MGRN1: variants seen among roughly 807,000 people sequenced by gnomAD.
MGRN1 encodes mahogunin ring finger 1.
MGRN1 carries 29 observed loss-of-function variants against 69.2 expected under a neutral mutation model. The observed-to-expected ratio is 0.42, with a 90% CI of 0.31 to 0.57. MGRN1 has a LOEUF of 0.57. Among genes scored for constraint, MGRN1 ranks in the 20% least tolerant of loss-of-function variants. MGRN1 has a pLI of 0.15. For missense variants in MGRN1, 998 were observed against 796.2 expected (o/e 1.25, Z -3.05); for synonymous variants, 470 against 344.2 (o/e 1.37, Z -4.04).
chr16:4,653,007 A>T (rs1233472787), intron 4 of MGRN1, among the ~76,000 whole-genome samples, 183 bp downstream of exon 4: 1 of 152,010 alleles, frequency 6.6e-6, no homozygotes. Context: ...TTCTGCGGGA[A>T]CCAGCTGGGG....
rs550834072 is a variant in MGRN1, at chr16:4,690,684, G to C, written c.*1776G>C. On this transcript the variant is annotated 3_prime_UTR_variant, in exon 17 of 17. Transcript: ENST00000262370. Reference sequence around the variant, plus strand: ...CTCCTGCACATGTTCCCATGCATGTGTGTGCACTCGGACCGAGCATCTCCC... The same window carrying C: ...CTCCTGCACATGTTCCCATGCATGTCTGTGCACTCGGACCGAGCATCTCCC... The C allele has an allele frequency of 6.6e-6, 1 of 152,188 alleles. No homozygotes were observed. The highest frequency in any genetic ancestry group is 1.5e-5 in the Non-Finnish European group (1 of 68,002). 9.4% of individuals were successfully genotyped at this position (152,188 alleles called of 1,614,324 possible).
chr16:4,675,000 C>A (rs1020053544), intron 10 of MGRN1, among the ~76,000 whole-genome samples: 2 of 151,964 alleles, frequency 1.3e-5, no homozygotes, highest in Non-Finnish European at 2.9e-5. Flanking sequence ...GAGACAGAGT[C>A]TTAACTCTGT....
In MGRN1 at chr16:4,680,072, C is replaced by G. The variant is rs752548668; in HGVS notation, c.1106C>G (p.Ala369Gly). 6.2e-7 allele frequency: 1 copy of G among 1,614,106 alleles called. No individual in the cohort carries two copies. Among genetic ancestry groups the G allele is most frequent in the Non-Finnish European group, 8.5e-7 (1 of 1,179,964 alleles). The change falls in exon 12 of 17, where the codon GCC (alanine) becomes GGC (glycine). Residue 369 changes from alanine to glycine, a missense_variant. Transcript: ENST00000262370. Reference protein sequence around the residue: ...KKSKPHPASLASKKPKRETNS... With the variant: ...KKSKPHPASLGSKKPKRETNS... ...TCAAAGCCGCACCCCGCCTCCCTGGCCAGCAAGAAACCTAAAAGGGAAACA... is the reference window on the plus strand; with the variant it reads ...TCAAAGCCGCACCCCGCCTCCCTGGGCAGCAAGAAACCTAAAAGGGAAACA...
intron 1 of MGRN1, among the ~76,000 whole-genome samples, chr16:4,629,629 C>A (rs1255342991): frequency 1.3e-5 from 2 of 151,642 alleles, no homozygotes; most frequent in Admixed American, 1.3e-4. Flanking sequence ...GTCCCAGCTG[C>A]TCAGGAGGCT....
chr16:4,683,117 G>A, intron 14 of MGRN1, 107 bp from the exon 15 acceptor site: 1 of 1,529,552 alleles, frequency 6.5e-7, no homozygotes, highest in Non-Finnish European at 9.0e-7. Context: ...GCACCCCCTG[G>A]TGGAGCGGCT....
At chr16:4,641,342 AT>A (rs113461080) in intron 1 of MGRN1, among the ~76,000 whole-genome samples, 8 of 149,066 alleles carry the variant, frequency 5.4e-5, no homozygotes, top group Admixed American at 1.3e-4. Context: ...GAGCAATAGG[AT>A]TTTTTTTTTG....
intron 9 of MGRN1, 107 bp from the exon 10 acceptor site, chr16:4,673,391 C>A: frequency 7.0e-7 from 1 of 1,425,574 alleles, no homozygotes; most frequent in South Asian, 1.3e-5. Context: ...TTTGTCATGA[C>A]AGCCCCCAGG....
At position 4,680,046 on chromosome 16, in the gene MGRN1, A is replaced by G; in HGVS notation, c.1080A>G (p.Lys360=). 1 of 1,614,102 alleles carries G rather than the reference A, an allele frequency of 6.2e-7. No homozygotes were observed. Among genetic ancestry groups the G allele is most frequent in the Non-Finnish European group, 8.5e-7 (1 of 1,179,970 alleles). The change falls in exon 12 of 17, where the codon AAA becomes AAG. Residue 360 remains lysine (K), a synonymous_variant. Transcript: ENST00000262370. The part of the protein sequence containing the change: ...EHDEHSCPFK[K]SKPHPASLAS... ...TATCTTGACAGTGTCCCTTTAAAAA[A>G]TCAAAGCCGCACCCCGCCTCCCTGG...
At chr16:4,658,038 G>A (rs569988137) in intron 5 of MGRN1, among the ~76,000 whole-genome samples, 4 of 151,332 alleles carry the variant, frequency 2.6e-5, no homozygotes, top group South Asian at 4.2e-4. Context: ...CACCGTGCCC[G>A]GCCATTGCTG....
At chr16:4,644,104 A>C (rs974520120) in intron 1 of MGRN1, among the ~76,000 whole-genome samples, 1 of 151,636 alleles carries the variant, frequency 6.6e-6, no homozygotes, top group Non-Finnish European at 1.5e-5. Flanking sequence ...TGGCCTCCTG[A>C]GTAGTTGGGA....
Position 4,651,959 on chromosome 16 carries a change from C to T in MGRN1, c.208-4C>T. Reference sequence around the variant, plus strand: ...CACCTGGGGCCCTGTGGTTTTTCTCCTAGTTTCCCTACGTCACTCCTGCCC... The same window carrying T: ...CACCTGGGGCCCTGTGGTTTTTCTCTTAGTTTCCCTACGTCACTCCTGCCC... On this transcript the variant is annotated splice_region_variant and splice_polypyrimidine_tract_variant and intron_variant, in intron 2 of 16. Transcript: ENST00000262370. The T allele has an allele frequency of 6.2e-7, 1 of 1,613,906 alleles. No homozygotes were observed. The highest frequency in any genetic ancestry group is 1.1e-5 in the South Asian group (1 of 91,080).
chr16:4,627,181 G>A (rs543435019), intron 1 of MGRN1, among the ~76,000 whole-genome samples: 1 of 152,258 alleles, frequency 6.6e-6, no homozygotes, highest in South Asian at 2.1e-4. Context: ...TGATTTTAGG[G>A]GTTGCCCCCA....
chr16:4,677,691 C>G, intron 11 of MGRN1, 119 bp downstream of exon 11: 2 of 908,516 alleles, frequency 2.2e-6, no homozygotes, highest in Non-Finnish European at 1.6e-6. Context: ...AGTGGGCAGG[C>G]ATGGCCCCCA....
rs376895162 is a variant in MGRN1, at chr16:4,688,830, C to G, written c.1653C>G (p.Leu551=). 1 of 1,553,606 alleles carries G rather than the reference C, an allele frequency of 6.4e-7. No individual in the cohort carries two copies. The highest frequency in any genetic ancestry group is 1.2e-5 in the South Asian group (1 of 84,568). Residue 551 remains leucine, a synonymous_variant, in exon 17 of 17, where the codon CTC becomes CTG. Coordinates refer to ENST00000262370, the MANE Select transcript of MGRN1 (RefSeq NM_015246.4). The part of the protein sequence containing the change: ...RPTSMETAHG[L]ATTSPTWPPL... ...CCTCCATGGAGACGGCCCACGGCCT[C>G]GCCACCACCAGCCCCACCTGGCCTC...
At chr16:4,644,305 GTTTTT>G (rs79613493) in intron 1 of MGRN1, among the ~76,000 whole-genome samples, 13 of 107,590 alleles carry the variant, frequency 1.2e-4, no homozygotes, top group African/African-American at 4.9e-4. Flanking sequence ...TCAATTACCA[GTTTTT>G]TTTTTTTTTT....
chr16:4,665,362 C>CTT (rs373526884), intron 7 of MGRN1, among the ~76,000 whole-genome samples: 7 of 141,684 alleles, frequency 4.9e-5, no homozygotes, highest in Non-Finnish European at 7.7e-5. Context: ...TTAGCATTTC[C>CTT]TTTTTTTTTT....
intron 5 of MGRN1, 58 bp downstream of exon 5, chr16:4,657,421 G>A: frequency 6.5e-7 from 1 of 1,529,916 alleles, no homozygotes; most frequent in Admixed American, 1.7e-5. Context: ...CTCCCCTTGG[G>A]GGTGGGGCCA....
chr16:4,663,493 GTTCT>G (rs982423941), intron 5 of MGRN1, among the ~76,000 whole-genome samples: 2 of 148,704 alleles, frequency 1.3e-5, no homozygotes, highest in African/African-American at 4.9e-5. Flanking sequence ...GCCAGCATCT[GTTCT>G]TTCAGTAAAT....
chr16:4,637,689 T>G (rs1391243294), intron 1 of MGRN1, among the ~76,000 whole-genome samples: 1 of 152,196 alleles, frequency 6.6e-6, no homozygotes, highest in African/African-American at 2.4e-5. Context: ...CATCCTGCAG[T>G]CCTGCAGAGC....
Sources: allele counts gnomAD v4.1 joint callset (sites outside exome capture counted in the v4.1 genomes callset), GRCh38; gene constraint gnomAD v4.1.1; transcripts MANE v1.5; gene names NCBI Gene and HGNC (gene_info 2026-07-23, HGNC 2026-07-21).